The following MSH3 variants were observed in gnomAD, a reference collection of about 807,000 sequenced individuals.
MSH3 encodes DNA mismatch repair protein Msh3.
MSH3 carries 106 observed loss-of-function variants against 123.3 expected under a neutral mutation model. The observed-to-expected ratio is 0.86, with a 90% CI of 0.73 to 1.01. The LOEUF is 1.01. MSH3 is among the 50% of genes least tolerant of loss of function. The pLI, the probability that MSH3 is intolerant of heterozygous loss-of-function variation, is 0.00. For synonymous variants in MSH3, 515 were observed against 481.4 expected, an observed-to-expected ratio of 1.07 and a Z score of -0.91; for missense variants, 1,459 against 1,347.6, an observed-to-expected ratio of 1.08 and a Z score of -1.29.
chr5:80,851,851 A>G (rs904447777), intron 20 of MSH3, among the ~76,000 whole-genome samples: 2 of 152,254 alleles, frequency 1.3e-5, no homozygotes, highest in South Asian at 2.1e-4. Flanking sequence ...TCCTTTCCCT[A>G]TTAATTTGAA....
chr5:80,734,550 G>A (rs931131552), intron 10 of MSH3, among the ~76,000 whole-genome samples: 5 of 152,114 alleles, frequency 3.3e-5, no homozygotes, highest in Non-Finnish European at 5.9e-5. Context: ...TTTTAATTCT[G>A]TTCTTAAGGC....
intron 23 of MSH3, among the ~76,000 whole-genome samples, chr5:80,874,176 C>A (rs1294928541): frequency 6.6e-6 from 1 of 152,052 alleles, no homozygotes; most frequent in Non-Finnish European, 1.5e-5. Flanking sequence ...GGAATTATTA[C>A]CAAATTTCAA....
intron 10 of MSH3, among the ~76,000 whole-genome samples, chr5:80,732,328 GAA>G (rs1743426399): frequency 6.6e-6 from 1 of 152,060 alleles, no homozygotes; most frequent in Admixed American, 6.6e-5. Context: ...GAAATTTTAG[GAA>G]AGAGTGAGAA....
intron 15 of MSH3, among the ~76,000 whole-genome samples, chr5:80,771,597 C>T (rs1031757908): frequency 6.6e-6 from 1 of 151,978 alleles, no homozygotes; most frequent in Non-Finnish European, 1.5e-5. Context: ...GGTGGAAAAC[C>T]CTTATTTTAC....
intron 8 of MSH3, among the ~76,000 whole-genome samples, chr5:80,722,980 A>G (rs1287047832): frequency 6.6e-6 from 1 of 152,002 alleles, no homozygotes; most frequent in Non-Finnish European, 1.5e-5. Context: ...GGTAATGCCT[A>G]TCTGTAGTCC....
At position 80,768,959 on chromosome 5, in the gene MSH3, C is replaced by A; in HGVS notation, c.2209C>A (p.Leu737Ile). Residue 737 changes from leucine to isoleucine, a missense_variant, in exon 15 of 24, where the codon CTA (leucine) becomes ATA (isoleucine). Coordinates refer to ENST00000265081, the MANE Select transcript of MSH3 (RefSeq NM_002439.5). ...RMHLQEIRKI[L>I]KNPSAQYVTV... Reference sequence around the variant, plus strand: ...GCATTTGCAAGAAATACGAAAAATACTAAAAAATCCTTCTGCACAATATGT... The same window carrying A: ...GCATTTGCAAGAAATACGAAAAATAATAAAAAATCCTTCTGCACAATATGT... 1 of 1,612,946 alleles carries A rather than the reference C, an allele frequency of 6.2e-7. No individual in the cohort carries two copies. The highest frequency in any genetic ancestry group is 1.7e-5 in the Admixed American group (1 of 59,974).
chr5:80,696,191 G>A (rs1750475163), intron 8 of MSH3, among the ~76,000 whole-genome samples: 1 of 152,210 alleles, frequency 6.6e-6, no homozygotes, highest in South Asian at 2.1e-4. Flanking sequence ...TGGAAGTCCA[G>A]TCTCTGTCTG....
In MSH3 at chr5:80,876,026, T is replaced by C. The variant is rs976719575; in HGVS notation, c.*164T>C. 3.6e-5 allele frequency: 22 copies of C among 617,790 alleles called. No homozygotes were observed. The highest frequency in any genetic ancestry group is 9.2e-5 in the African/African-American group (5 of 54,084). 38.3% of individuals were successfully genotyped at this position (617,790 alleles called of 1,614,324 possible). On this transcript the variant is annotated 3_prime_UTR_variant, in exon 24 of 24. Coordinates refer to ENST00000265081, the MANE Select transcript of MSH3 (RefSeq NM_002439.5). ...GAGGTTTTTCTGAAGACAGTCTTTT[T>C]CAAGTTTCTGTCTTCCTAACTTTTC...
At chr5:80,717,948 G>A (rs896745709) in intron 8 of MSH3, among the ~76,000 whole-genome samples, 1 of 152,182 alleles carries the variant, frequency 6.6e-6, no homozygotes, top group African/African-American at 2.4e-5. Flanking sequence ...AAAGTAAAAA[G>A]TAAAAGTTTC....
chr5:80,715,062 G>A (rs919735309), intron 8 of MSH3: 2 of 152,140 alleles, frequency 1.3e-5, no homozygotes, highest in African/African-American at 4.8e-5. Flanking sequence ...CTCTTGGTTT[G>A]AATATCTGTT....
chr5:80,735,613 C>T (rs993087555), intron 10 of MSH3, among the ~76,000 whole-genome samples: 8 of 151,820 alleles, frequency 5.3e-5, no homozygotes, highest in Admixed American at 4.6e-4. Context: ...ATTGCTTGAA[C>T]CCAGGAGGTG....
At chr5:80,811,033 A>T (rs13170189) in intron 19 of MSH3, among the ~76,000 whole-genome samples, 20,437 of 105,460 alleles carry the variant, frequency 0.19, 1,399 homozygotes, top group East Asian at 0.28. Context: ...ATTTCAAGAT[A>T]AAAAAAAAAT....
chr5:80,757,764 T>G (rs1743954516), intron 12 of MSH3, among the ~76,000 whole-genome samples: 1 of 152,188 alleles, frequency 6.6e-6, no homozygotes, highest in African/African-American at 2.4e-5. Context: ...CATCTGTCAT[T>G]AATTGCACTA....
intron 8 of MSH3, among the ~76,000 whole-genome samples, chr5:80,708,738 C>T (rs1278533340): frequency 6.6e-6 from 1 of 151,846 alleles, no homozygotes; most frequent in Non-Finnish European, 1.5e-5. Flanking sequence ...TAGACTTTGA[C>T]TTTCTAGGAT....
chr5:80,849,685 A>G (rs1745795032), intron 20 of MSH3, among the ~76,000 whole-genome samples: 1 of 152,090 alleles, frequency 6.6e-6, no homozygotes, highest in Non-Finnish European at 1.5e-5. Context: ...CCAAGTCCCT[A>G]TGCTACACAC....
chr5:80,744,571 A>G lies in MSH3; in HGVS notation c.1719A>G (p.Arg573=). ...ACCACACTAAAACTTCATTTGGGAG[A>G]CGGAAGTTAAAGAAGTGGGTGACCC... ...VLDHTKTSFG[R]RKLKKWVTQP... The change falls in exon 12 of 24, where the codon AGA becomes AGG. Residue 573 remains arginine (R), a synonymous_variant. Transcript: ENST00000265081. 4 of 1,613,914 alleles carry G rather than the reference A, an allele frequency of 2.5e-6. No homozygotes were observed. In the East Asian group the frequency reaches 8.9e-5, roughly 36 times the overall value.
At position 80,719,733 on chromosome 5, in the gene MSH3, T is replaced by C. The variant is rs189504061; in HGVS notation, c.1341-5720T>C. On this transcript the variant is annotated intron_variant, in intron 8 of 23. Coordinates refer to ENST00000265081, the MANE Select transcript of MSH3 (RefSeq NM_002439.5). The stretch of plus-strand genomic sequence containing the variant: ...TAGCCATTAGGTACTATACCTTCTT[T>C]CTTATAGCCTCCATTGAGAGTCTTA... Among the ~76,000 whole-genome samples the C allele has an allele frequency of 9.5e-4, 145 of 152,388 alleles. 1 individual carries two copies. The highest frequency in any genetic ancestry group is 3.5e-3 in the African/African-American group (144 of 41,592).
chr5:80,828,491 C>G (rs556799332), intron 20 of MSH3, among the ~76,000 whole-genome samples: 1 of 152,176 alleles, frequency 6.6e-6, no homozygotes, highest in Non-Finnish European at 1.5e-5. Context: ...CCCTGGCCCC[C>G]ACAAATTCTA....
chr5:80,692,750 TTAGA>T (rs1561445413), intron 8 of MSH3, among the ~76,000 whole-genome samples: 1 of 133,812 alleles, frequency 7.5e-6, no homozygotes, highest in Admixed American at 7.4e-5. Context: ...ATGTATATGT[TTAGA>T]TAAATATACA....
Sources: gnomAD v4.1 joint callset for allele counts (sites outside exome capture counted in the v4.1 genomes callset) on GRCh38, gnomAD v4.1.1 for gene constraint, MANE v1.5 for transcripts, NCBI Gene and HGNC (gene_info 2026-07-23, HGNC 2026-07-21) for gene names.